Variants in PREX1 observed in about 807,000 individuals in gnomAD.
PREX1 encodes phosphatidylinositol-3,4,5-trisphosphate dependent Rac exchange factor 1.
PREX1 carries 41 observed loss-of-function variants against 198.3 expected under a neutral mutation model. The ratio of observed to expected loss-of-function variants is 0.21; its 90% confidence interval spans 0.16 to 0.27. PREX1 has a LOEUF of 0.27. PREX1 is among the 10% of genes least tolerant of loss of function. The probability of loss-of-function intolerance (pLI) is 1.00; values close to 1 mark genes in which losing one functional copy is unlikely to be tolerated. For missense variants in PREX1, 1,620 were observed against 2,200.7 expected, an observed-to-expected ratio of 0.74 and a Z score of 5.28; for synonymous variants, 843 against 887.2, an observed-to-expected ratio of 0.95 and a Z score of 0.89.
chr20:48,869,001 C>T, the PREX1 span, among the ~76,000 whole-genome samples: 5 of 151,996 alleles, frequency 3.3e-5, no homozygotes, highest in Non-Finnish European at 7.4e-5. Context: ...CTCAGCCTCC[C>T]AAGTAGCTGG....
At chr20:48,859,371 C>T in the PREX1 span, among the ~76,000 whole-genome samples, 1 of 152,188 alleles carries the variant, frequency 6.6e-6, no homozygotes, top group Non-Finnish European at 1.5e-5. Context: ...CAAACCCAGT[C>T]ACCCACCCCA....
chr20:48,776,242 G>C (rs2426100), intron 1 of PREX1, among the ~76,000 whole-genome samples: 51,496 of 152,046 alleles, frequency 0.34, 10,031 homozygotes, highest in Non-Finnish European at 0.43. Context: ...AAAGAGTGAA[G>C]CTAGAGTCCG....
intron 1 of PREX1, among the ~76,000 whole-genome samples, chr20:48,819,909 G>A (rs374179163): frequency 1.8e-4 from 27 of 152,136 alleles, no homozygotes; most frequent in African/African-American, 4.6e-4. Flanking sequence ...CCCCGGCCTC[G>A]CTCCTCCTGA....
intron 1 of PREX1, among the ~76,000 whole-genome samples, chr20:48,749,364 G>A (rs985588912): frequency 1.3e-5 from 2 of 152,190 alleles, no homozygotes; most frequent in Non-Finnish European, 2.9e-5. Context: ...TGCTCCAGGT[G>A]AGCACATGGT....
chr20:48,650,774 ATTCTCCTGTTTG>A (rs2089489171), intron 23 of PREX1, 108 bp downstream of exon 23: 2 of 1,287,690 alleles, frequency 1.6e-6, no homozygotes, highest in African/African-American at 2.9e-5. Flanking sequence ...CACACCATAC[ATTCTCCTGTTTG>A]TTTCAGCTGA....
At chr20:48,773,029 G>A (rs2090243939) in intron 1 of PREX1, among the ~76,000 whole-genome samples, 1 of 152,142 alleles carries the variant, frequency 6.6e-6, no homozygotes, top group Non-Finnish European at 1.5e-5. Flanking sequence ...CACTTTAGGA[G>A]GCCGAGGGAG....
intron 26 of PREX1, among the ~76,000 whole-genome samples, chr20:48,644,993 A>C (rs1226455238): frequency 6.6e-6 from 1 of 152,194 alleles, no homozygotes; most frequent in Non-Finnish European, 1.5e-5. Context: ...TAAAGGAAAA[A>C]CTGGAGGACC....
chr20:48,866,768 A>C, the PREX1 span, among the ~76,000 whole-genome samples: 4 of 152,060 alleles, frequency 2.6e-5, no homozygotes, highest in African/African-American at 9.7e-5. Flanking sequence ...CTCTACCCCC[A>C]AAAATATAAA....
upstream of PREX1, among the ~76,000 whole-genome samples, chr20:48,829,307 G>A (rs867646627): frequency 2.6e-5 from 4 of 152,304 alleles, no homozygotes; most frequent in South Asian, 6.2e-4. Context: ...CTCTGCAGGG[G>A]ATAAAGTGAT....
At chr20:48,805,306 A>G (rs2090406850) in intron 1 of PREX1, among the ~76,000 whole-genome samples, 1 of 152,226 alleles carries the variant, frequency 6.6e-6, no homozygotes, top group Admixed American at 6.5e-5. Flanking sequence ...TCACCCAGAT[A>G]AGAAACTGAG....
At chr20:48,853,674 A>T in the PREX1 span, among the ~76,000 whole-genome samples, 4 of 152,206 alleles carry the variant, frequency 2.6e-5, no homozygotes, top group African/African-American at 9.7e-5. Flanking sequence ...TCCAACGCAC[A>T]TGCACACATA....
intron 25 of PREX1, among the ~76,000 whole-genome samples, chr20:48,648,124 C>T (rs1158761185): frequency 6.6e-6 from 1 of 152,056 alleles, no homozygotes; most frequent in African/African-American, 2.4e-5. Flanking sequence ...CCAGGCTGGT[C>T]TCAAAGTCCT....
upstream of PREX1, among the ~76,000 whole-genome samples, chr20:48,832,530 C>T (rs1461176211): frequency 6.6e-6 from 1 of 152,160 alleles, no homozygotes; most frequent in African/African-American, 2.4e-5. Flanking sequence ...AAAGTCAGAC[C>T]AGCAGCCCAG....
intron 3 of PREX1, among the ~76,000 whole-genome samples, chr20:48,735,751 G>A (rs1257684469): frequency 6.6e-6 from 1 of 152,098 alleles, no homozygotes; most frequent in African/African-American, 2.4e-5. Context: ...ACAAAACCAA[G>A]GAAAAGTTGC....
Position 48,626,644 on chromosome 20 carries a change from C to T in PREX1, c.4938-717G>A, listed in dbSNP as rs566243051. Among the ~76,000 whole-genome samples, 3 of 152,324 alleles carry T rather than the reference C, an allele frequency of 2.0e-5. No individual in the cohort carries two copies. The East Asian group carries it at 5.8e-4, about 29-fold the overall frequency. On this transcript the variant is annotated intron_variant, in intron 39 of 39. Transcript: ENST00000371941. ...GGAACCACGTGCCACTCGTGAGACA[C>T]AAACAAGGTGTGTGTGGAGCCCCCA...
chr20:48,750,584 C>T (rs1040615659), intron 1 of PREX1, among the ~76,000 whole-genome samples: 2 of 152,182 alleles, frequency 1.3e-5, no homozygotes, highest in African/African-American at 2.4e-5. Flanking sequence ...TTTGCATATG[C>T]TGTTCCTGCT....
At chr20:48,760,367 GT>G (rs1286120408) in intron 1 of PREX1, among the ~76,000 whole-genome samples, 1 of 151,944 alleles carries the variant, frequency 6.6e-6, no homozygotes, top group African/African-American at 2.4e-5. Flanking sequence ...CTGCTTCCGA[GT>G]CTCCTGAGGT....
intron 5 of PREX1, among the ~76,000 whole-genome samples, chr20:48,722,416 AG>A (rs1353971465): frequency 6.6e-6 from 1 of 152,242 alleles, no homozygotes; most frequent in Non-Finnish European, 1.5e-5. Flanking sequence ...GAACTGACAG[AG>A]GCAGAAAGTA....
chr20:48,694,189 G>A (rs902960303), intron 7 of PREX1, among the ~76,000 whole-genome samples: 3 of 152,162 alleles, frequency 2.0e-5, no homozygotes, highest in Non-Finnish European at 4.4e-5. Flanking sequence ...TGGGATTACA[G>A]GTATGAGCCA....
Sources: gnomAD v4.1 joint callset for allele counts (sites outside exome capture counted in the v4.1 genomes callset) on GRCh38, gnomAD v4.1.1 for gene constraint, MANE v1.5 for transcripts, NCBI Gene and HGNC (gene_info 2026-07-23, HGNC 2026-07-21) for gene names.